Variants in BPIFB4 observed in about 807,000 individuals in gnomAD.
The protein encoded by BPIFB4 is BPI fold-containing family B member 4.
A neutral mutation model predicts 69.2 loss-of-function variants in BPIFB4; 62 were observed. That is an observed-to-expected ratio of 0.90 (90% CI 0.73 to 1.11). BPIFB4 has a LOEUF of 1.11. Among genes scored for constraint, BPIFB4 ranks in the 50% least tolerant of loss-of-function variants. The pLI is 0.00. For missense variants in BPIFB4, 789 were observed against 792.0 expected (o/e 1.00, Z 0.04); for synonymous variants, 330 against 332.7 (o/e 0.99, Z 0.09).
chr20:33,083,260 G>A, intron 4 of BPIFB4, 107 bp from the exon 5 acceptor site: 4 of 932,410 alleles, frequency 4.3e-6, no homozygotes, highest in Non-Finnish European at 5.9e-6. Context: ...GTGGTGGGGG[G>A]TTGCTGGGTG....
intron 9 of BPIFB4, among the ~76,000 whole-genome samples, chr20:33,090,317 A>G (rs564823491): frequency 2.9e-4 from 44 of 152,344 alleles, no homozygotes; most frequent in Non-Finnish European, 5.6e-4. Flanking sequence ...GGGGCTGTTC[A>G]TTACACAGTC....
intron 12 of BPIFB4, among the ~76,000 whole-genome samples, chr20:33,096,709 A>C (rs1173314712): frequency 6.6e-6 from 1 of 152,176 alleles, no homozygotes; most frequent in Non-Finnish European, 1.5e-5. Flanking sequence ...GCTGGGGTAG[A>C]ATAGGGACTG....
intron 17 of BPIFB4, 25 bp from the exon 18 acceptor site, chr20:33,111,389 C>T (rs752506593): frequency 9.3e-6 from 15 of 1,613,920 alleles, no homozygotes; most frequent in African/African-American, 2.7e-5. Flanking sequence ...CACCCATCAC[C>T]GGCTACTCTG....
At chr20:33,103,197 A>G (rs1204340075) in intron 15 of BPIFB4, among the ~76,000 whole-genome samples, 183 bp downstream of exon 15, 1 of 152,158 alleles carries the variant, frequency 6.6e-6, no homozygotes, top group Admixed American at 6.5e-5. Context: ...GAGGCCCACA[A>G]GGCAAGTGAG....
rs760589036 is a variant in BPIFB4, at chr20:33,089,567, A to C, written c.1051+9A>C. The C allele has an allele frequency of 5.6e-6, 9 of 1,614,086 alleles. No individual in the cohort carries two copies. The highest frequency in any genetic ancestry group is 5.0e-5 in the Admixed American group (3 of 60,010). On this transcript the variant is annotated intron_variant, in intron 9 of 17. Coordinates refer to ENST00000375483, the MANE Select transcript of BPIFB4 (RefSeq NM_182519.3). ...GCTGGGCCTCGTGGATTGTAAGTCC[A>C]ATACACTTTCTCCAGCCTGGGGAAG...
In BPIFB4 at chr20:33,083,447, A is replaced by G. The variant is rs1484664712; in HGVS notation, c.250A>G (p.Ile84Val). Residue 84 changes from isoleucine to valine, a missense_variant, in exon 5 of 18, where the codon ATT becomes GTT. Physicochemically the swap from Ile to Val is conservative, Grantham distance 29. Transcript: ENST00000375483. ...TACCAACGGCAAAAAACTTGATGGT[A>G]TTTACCAGTATGGTCACATTGAGAC... ...VYTNGKKLDG[I>V]YQYGHIETND... 4 of 1,613,570 alleles carry G rather than the reference A, an allele frequency of 2.5e-6. No individual in the cohort carries two copies. The highest frequency in any genetic ancestry group is 3.4e-6 in the Non-Finnish European group (4 of 1,179,846).
At position 33,088,405 on chromosome 20, in the gene BPIFB4, C is replaced by T. The variant is rs140217009; in HGVS notation, c.927-561C>T. 4.7e-3 allele frequency among the ~76,000 whole-genome samples: 710 copies of T among 152,094 alleles called. 6 individuals are homozygous for T. Among genetic ancestry groups the T allele is most frequent in the African/African-American group, 0.017 (696 of 41,500 alleles). ...CATGGCTTACTTCTGTGGACCTCAG[C>T]CTCCTTGTCTGTAAAATGGATCACC... On this transcript the variant is annotated intron_variant, in intron 7 of 17. Coordinates refer to ENST00000375483, the MANE Select transcript of BPIFB4 (RefSeq NM_182519.3).
At chr20:33,105,757 C>A (rs919804189) in intron 16 of BPIFB4, among the ~76,000 whole-genome samples, 11 of 152,114 alleles carry the variant, frequency 7.2e-5, no homozygotes, top group Non-Finnish European at 1.3e-4. Context: ...TCAGAGGAAG[C>A]CGAGTCTCAC....
Position 33,095,150 on chromosome 20 carries a change from C to G in BPIFB4, c.1395C>G (p.Pro465=), listed in dbSNP as rs200712639. 4.9e-5 allele frequency: 79 copies of G among 1,608,642 alleles called. No homozygotes were observed. In the Admixed American group the frequency reaches 1.3e-3, roughly 26 times the overall value. ...CAGCCACACTGGGAGCCCTGATCCC[C>G]AAGGTATGTAAGGTGGGCAGGTCCC... The part of the protein sequence containing the change: ...LTTATLGALI[P]KVFQQYPESC... The change falls in exon 12 of 18, where the codon CCC becomes CCG. Residue 465 remains proline, a synonymous_variant. Coordinates refer to ENST00000375483, the MANE Select transcript of BPIFB4 (RefSeq NM_182519.3).
intron 9 of BPIFB4, among the ~76,000 whole-genome samples, chr20:33,090,455 G>A (rs192048216): frequency 7.9e-5 from 12 of 152,280 alleles, no homozygotes; most frequent in Middle Eastern, 3.4e-3. Context: ...CCCCACCAAC[G>A]TAGTCCCAGA....
intron 13 of BPIFB4, among the ~76,000 whole-genome samples, chr20:33,098,370 C>T (rs1034560213): frequency 6.6e-6 from 1 of 152,150 alleles, no homozygotes; most frequent in East Asian, 1.9e-4. Flanking sequence ...GGTGCCTGCT[C>T]TCTTGTACCT....
chr20:33,107,434 A>G (rs1172676572), intron 16 of BPIFB4, among the ~76,000 whole-genome samples: 1 of 152,056 alleles, frequency 6.6e-6, no homozygotes, highest in African/African-American at 2.4e-5. Flanking sequence ...CTTTACTAAA[A>G]CAAACAAAAC....
At position 33,081,648 on chromosome 20, in the gene BPIFB4, A is replaced by G. The variant is rs953563689; in HGVS notation, c.106+16A>G. 3 of 1,551,390 alleles carry G rather than the reference A, an allele frequency of 1.9e-6. No homozygotes were observed. Among genetic ancestry groups the G allele is most frequent in the Non-Finnish European group, 2.6e-6 (3 of 1,146,882 alleles). On this transcript the variant is annotated intron_variant, in intron 3 of 17. Coordinates refer to ENST00000375483, the MANE Select transcript of BPIFB4 (RefSeq NM_182519.3). ...TTGAGCAATGGTGAGTCCAGCCCCA[A>G]AGGGGTGAGGGTTGGCATGGGGTGA...
At chr20:33,086,201 G>A (rs773446063) in intron 7 of BPIFB4, 37 bp downstream of exon 7, 5 of 1,589,264 alleles carry the variant, frequency 3.1e-6, no homozygotes, top group Non-Finnish European at 4.3e-6. Flanking sequence ...CTTGGGGGTT[G>A]CTGGAATGGT....
rs1367631702 is a variant in BPIFB4, at chr20:33,104,834, GAGA to G, written c.1709_1711del (p.Lys570del). The G allele has an allele frequency of 6.2e-7, 1 of 1,614,048 alleles. No homozygotes were observed. The highest frequency in any genetic ancestry group is 1.3e-5 in the African/African-American group (1 of 74,912). On this transcript the variant is annotated inframe_deletion, in exon 16 of 18. Transcript: ENST00000375483. ...GATTGGCCTCATGGAGGTGCTGGTG[GAGA>G]AGATTTTTGACCTGGCATTCATGCC...
chr20:33,086,265 G>A lies in BPIFB4; in HGVS notation c.926+101G>A, dbSNP rs1351635850. The A allele has an allele frequency of 3.5e-6, 5 of 1,444,382 alleles. No homozygotes were observed. The African/African-American group carries it at 4.2e-5, about 12-fold the overall frequency. 89.5% of individuals were successfully genotyped at this position (1,444,382 alleles called of 1,614,324 possible). A position where few individuals can be genotyped will look rare whatever the true frequency, so the allele number is the denominator to read the frequency against. ...CCACCTGCCCATAGGCTCTGGGGTG[G>A]GCAGGACGATGATGCTGTGGGGTGG... On this transcript the variant is annotated intron_variant, in intron 7 of 17. Coordinates refer to ENST00000375483, the MANE Select transcript of BPIFB4 (RefSeq NM_182519.3).
chr20:33,087,856 G>A (rs572159392), intron 7 of BPIFB4, among the ~76,000 whole-genome samples: 9 of 152,142 alleles, frequency 5.9e-5, no homozygotes, highest in South Asian at 2.1e-4. Flanking sequence ...CTTAAAAGGG[G>A]GACCGAAATG....
chr20:33,104,280 C>A (rs1981983327), intron 15 of BPIFB4, among the ~76,000 whole-genome samples: 1 of 152,206 alleles, frequency 6.6e-6, no homozygotes, highest in Non-Finnish European at 1.5e-5. Context: ...TGAAAAGGCT[C>A]AAGGCCAGGA....
At chr20:33,101,616 G>A (rs1363917775) in intron 14 of BPIFB4, among the ~76,000 whole-genome samples, 1 of 152,166 alleles carries the variant, frequency 6.6e-6, no homozygotes, top group African/African-American at 2.4e-5. Flanking sequence ...TACAGTCACG[G>A]CTCACTGCAG....
Sources: gnomAD v4.1 joint callset for allele counts (sites outside exome capture counted in the v4.1 genomes callset) on GRCh38, gnomAD v4.1.1 for gene constraint, MANE v1.5 for transcripts, NCBI Gene and HGNC (gene_info 2026-07-23, HGNC 2026-07-21) for gene names.